Variants in TAFA5 observed in about 807,000 individuals in gnomAD.
TAFA5 encodes TAFA chemokine like family member 5, also known as chemokine-like protein TAFA-5.
Under a neutral mutation model 15.3 loss-of-function variants are expected in TAFA5, and 6 were observed. The observed-to-expected ratio is 0.39, with a 90% CI of 0.21 to 0.77. The LOEUF is 0.77. Ranked by LOEUF, TAFA5 falls within the 30% of genes least tolerant of loss-of-function variation. The pLI, the probability that TAFA5 is intolerant of heterozygous loss-of-function variation, is 0.41. For missense variants in TAFA5, 161 were observed against 193.1 expected (o/e 0.83, Z 0.98); for synonymous variants, 103 against 80.7 (o/e 1.28, Z -1.48).
chr22:48,534,287 G>T (rs1223619937), intron 1 of TAFA5, among the ~76,000 whole-genome samples: 1 of 151,742 alleles, frequency 6.6e-6, no homozygotes, highest in Admixed American at 6.6e-5. Flanking sequence ...AATTGCGGTG[G>T]GTAAGGCAGG....
At chr22:48,738,725 T>G (rs992826003) in intron 3 of TAFA5, among the ~76,000 whole-genome samples, 1 of 152,226 alleles carries the variant, frequency 6.6e-6, no homozygotes, top group Non-Finnish European at 1.5e-5. Context: ...GTGTGTTAGT[T>G]TCCATGATGC....
intron 3 of TAFA5, among the ~76,000 whole-genome samples, chr22:48,745,699 C>G (rs1335253445): frequency 6.6e-6 from 1 of 152,252 alleles, no homozygotes; most frequent in Non-Finnish European, 1.5e-5. Context: ...TGCCTCCTGT[C>G]AGATGCCTCT....
intron 2 of TAFA5, among the ~76,000 whole-genome samples, chr22:48,689,565 T>C (rs1333704391): frequency 1.3e-5 from 2 of 152,128 alleles, no homozygotes; most frequent in Non-Finnish European, 2.9e-5. Flanking sequence ...GAGATGTTGC[T>C]CAATCTTGAG....
At chr22:48,620,946 T>A (rs1473356838) in intron 1 of TAFA5, among the ~76,000 whole-genome samples, 3 of 70,976 alleles carry the variant, frequency 4.2e-5, no homozygotes, top group Non-Finnish European at 7.7e-5. Flanking sequence ...CCACCCACCC[T>A]ATCTATCCAC....
intron 3 of TAFA5, among the ~76,000 whole-genome samples, chr22:48,719,246 C>T (rs764051250): frequency 3.7e-4 from 56 of 152,136 alleles, no homozygotes; most frequent in African/African-American, 1.3e-3. Flanking sequence ...GACGCAGAGC[C>T]GGCAGGACTG....
rs901021718 is a variant in TAFA5 at position 48,742,904 on chromosome 22, C to T, written c.391-6935C>T. Among the ~76,000 whole-genome samples, 1 of 152,146 alleles carries T rather than the reference C, an allele frequency of 6.6e-6. No homozygotes were observed. Among genetic ancestry groups the T allele is most frequent in the Non-Finnish European group, 1.5e-5 (1 of 67,998 alleles). On this transcript the variant is annotated intron_variant, in intron 3 of 3. Coordinates refer to ENST00000402357, the MANE Select transcript of TAFA5 (RefSeq NM_001082967.3). This position sits in a 1 kb window ranked among gnomAD's most constrained non-coding sequence, Gnocchi z 6.2. The stretch of plus-strand genomic sequence containing the variant: ...CTGCTGCCTCCATGCAGCCCACACG[C>T]GGGGCCCCCACAGTGCGGACATGTT...
intron 1 of TAFA5, among the ~76,000 whole-genome samples, chr22:48,607,589 G>C (rs900443056): frequency 2.5e-5 from 3 of 117,848 alleles, no homozygotes; most frequent in Non-Finnish European, 5.6e-5. Flanking sequence ...TCAGCCTGGA[G>C]CAGATCTGTC....
chr22:48,627,198 T>C (rs1197875418), intron 1 of TAFA5, among the ~76,000 whole-genome samples: 3 of 152,202 alleles, frequency 2.0e-5, no homozygotes, highest in Non-Finnish European at 4.4e-5. Context: ...AATAGTTGAA[T>C]TTTTCTGGAA....
At chr22:48,662,949 T>G (rs1221664518) in intron 2 of TAFA5, among the ~76,000 whole-genome samples, 2 of 152,196 alleles carry the variant, frequency 1.3e-5, no homozygotes, top group Non-Finnish European at 2.9e-5. Flanking sequence ...AAAGGTCTCC[T>G]TTAATCATTC....
At chr22:48,493,670 G>C (rs1165271676) in intron 1 of TAFA5, among the ~76,000 whole-genome samples, 2 of 151,712 alleles carry the variant, frequency 1.3e-5, no homozygotes, top group Admixed American at 1.3e-4. Context: ...TGGGATGTTT[G>C]TTTTTTTTCA....
At chr22:48,612,976 T>A (rs28535443) in intron 1 of TAFA5, among the ~76,000 whole-genome samples, 136,111 of 152,146 alleles carry the variant, frequency 0.89, 61,208 homozygotes, top group African/African-American at 0.97. Context: ...TGTGAGCATG[T>A]CACAGACCCA....
At chr22:48,628,834 C>T in intron 1 of TAFA5, among the ~76,000 whole-genome samples, 1 of 152,236 alleles carries the variant, frequency 6.6e-6, no homozygotes, top group East Asian at 1.9e-4. Flanking sequence ...GCGTGTTTGC[C>T]AATCCTTACG....
intron 2 of TAFA5, among the ~76,000 whole-genome samples, chr22:48,696,836 A>G (rs547643407): frequency 9.9e-5 from 15 of 152,238 alleles, no homozygotes; most frequent in Non-Finnish European, 1.9e-4. Context: ...GGCCTGCATC[A>G]TTCCAGCTTC....
intron 1 of TAFA5, among the ~76,000 whole-genome samples, chr22:48,553,427 G>C (rs1401240517): frequency 6.6e-6 from 1 of 152,220 alleles, no homozygotes; most frequent in Non-Finnish European, 1.5e-5. Context: ...ATAGGATGGA[G>C]GGAGGGAAGC....
intron 1 of TAFA5, among the ~76,000 whole-genome samples, chr22:48,611,761 C>G (rs72619583): frequency 0.026 from 4,008 of 152,262 alleles, 108 homozygotes; most frequent in East Asian, 0.11. Flanking sequence ...CTGACTCACT[C>G]TTCAGTAAAG....
At chr22:48,639,908 C>G (rs1332937441) in intron 1 of TAFA5, among the ~76,000 whole-genome samples, 1 of 152,142 alleles carries the variant, frequency 6.6e-6, no homozygotes, top group Non-Finnish European at 1.5e-5. Flanking sequence ...TTGCTCTCCC[C>G]CTCATCCACA....
At chr22:48,642,048 A>AG (rs1018776614) in intron 1 of TAFA5, among the ~76,000 whole-genome samples, 2 of 151,436 alleles carry the variant, frequency 1.3e-5, no homozygotes, top group African/African-American at 4.9e-5. Flanking sequence ...CAGCATGCTG[A>AG]GGGGGGCAGC....
intron 1 of TAFA5, among the ~76,000 whole-genome samples, chr22:48,537,201 C>G (rs1922196959): frequency 6.7e-6 from 1 of 149,716 alleles, no homozygotes; most frequent in Non-Finnish European, 1.5e-5. Flanking sequence ...CTTTGAGACA[C>G]CCGGGGTGGG....
At chr22:48,610,593 G>A (rs1925366764) in intron 1 of TAFA5, among the ~76,000 whole-genome samples, 1 of 96,228 alleles carries the variant, frequency 1.0e-5, no homozygotes, top group African/African-American at 2.8e-5. Context: ...TCCCCAGCAT[G>A]GAGGAGCAGA....
Sources: gnomAD v4.1 joint callset for allele counts (sites outside exome capture counted in the v4.1 genomes callset) on GRCh38, gnomAD v4.1.1 for gene constraint, Gnocchi (gnomAD v3.1) non-coding constraint, MANE v1.5 for transcripts, NCBI Gene and HGNC (gene_info 2026-07-23, HGNC 2026-07-21) for gene names.